Variants in SFI1 observed in about 807,000 individuals in gnomAD.
SFI1 encodes protein SFI1 homolog.
Under a neutral mutation model 207.5 loss-of-function variants are expected in SFI1, and 195 were observed. That is an observed-to-expected ratio of 0.94 (90% confidence interval 0.84 to 1.06). The LOEUF (loss-of-function observed/expected upper bound fraction) is 1.06. Among genes scored for constraint, SFI1 ranks in the 50% least tolerant of loss-of-function variants. SFI1 has a pLI of 0.00. For missense variants in SFI1, 1,634 were observed against 1,588.0 expected, an observed-to-expected ratio of 1.03 and a Z score of -0.49; for synonymous variants, 630 against 598.9, an observed-to-expected ratio of 1.05 and a Z score of -0.76.
In SFI1 at chr22:31,513,905, G is replaced by A. The variant is rs557140841; in HGVS notation, c.92+5529G>A. 5.5e-4 allele frequency among the ~76,000 whole-genome samples: 83 copies of A among 151,548 alleles called. 1 individual carries two copies. Among genetic ancestry groups the A allele is most frequent in the African/African-American group, 1.8e-3 (75 of 41,428 alleles). ...TCCCAGCACTTTCAGAGGCTGAGGC[G>A]GGTGGATTACCTGAGGTCAGGAGTT... On this transcript the variant is annotated intron_variant, in intron 2 of 32. Coordinates refer to ENST00000400288, the MANE Select transcript of SFI1 (RefSeq NM_001007467.3).
At chr22:31,539,315 A>G (rs1300583592) in intron 4 of SFI1, among the ~76,000 whole-genome samples, 3 of 152,008 alleles carry the variant, frequency 2.0e-5, no homozygotes, top group Non-Finnish European at 4.4e-5. Flanking sequence ...ATTCTGTCAA[A>G]CTTCCAGTGG....
chr22:31,618,348 TC>T lies in SFI1; in HGVS notation c.3661del (p.Gln1221ArgfsTer61). On this transcript the variant is annotated frameshift_variant, in exon 33 of 33. Coordinates refer to ENST00000400288, the MANE Select transcript of SFI1 (RefSeq NM_001007467.3). LOFTEE classifies it high-confidence loss of function. ...EMQIQLLAEE[L>X]QAQRQPIGAC... ...CAGATCCAGCTGCTGGCAGAGGAGC[TC>T]CAGGCTCAGCGCCAGCCCATTGGCG... 1 of 1,609,584 alleles carries T rather than the reference TC, an allele frequency of 6.2e-7. No individual in the cohort carries two copies. Among genetic ancestry groups the T allele is most frequent in the African/African-American group, 1.3e-5 (1 of 74,956 alleles).
intron 3 of SFI1, among the ~76,000 whole-genome samples, chr22:31,529,936 C>T (rs113550211): frequency 0.038 from 5,791 of 151,700 alleles, 380 homozygotes; most frequent in African/African-American, 0.13. Context: ...TTTGGGAGGC[C>T]GAGGCGGGTG....
chr22:31,554,625 G>C (rs1294456859), intron 6 of SFI1, among the ~76,000 whole-genome samples: 2 of 138,276 alleles, frequency 1.4e-5, no homozygotes, highest in East Asian at 4.2e-4. Flanking sequence ...TTTTTTTTCA[G>C]ATGGAGCCTC....
chr22:31,564,879 T>C (rs1309796782), intron 8 of SFI1, among the ~76,000 whole-genome samples: 2 of 146,082 alleles, frequency 1.4e-5, no homozygotes, highest in Admixed American at 7.1e-5. Flanking sequence ...AGTATCGCGA[T>C]GTTGGCTCAC....
At chr22:31,599,039 G>A (rs1372208778) in intron 15 of SFI1, among the ~76,000 whole-genome samples, 9 of 151,318 alleles carry the variant, frequency 5.9e-5, no homozygotes, top group East Asian at 3.9e-4. Flanking sequence ...TGATCCGCCC[G>A]CCTCGGCCTC....
At chr22:31,503,288 T>G (rs2054105428) in intron 1 of SFI1, among the ~76,000 whole-genome samples, 1 of 152,088 alleles carries the variant, frequency 6.6e-6, no homozygotes, top group African/African-American at 2.4e-5. Flanking sequence ...GCTACCAGAA[T>G]TTTGGAAGCG....
At chr22:31,510,177 C>G (rs1396577049) in intron 2 of SFI1, among the ~76,000 whole-genome samples, 2 of 151,626 alleles carry the variant, frequency 1.3e-5, no homozygotes, top group African/African-American at 4.8e-5. Flanking sequence ...CTGAAACTAT[C>G]TGTGCTTTTT....
chr22:31,550,427 T>A (rs911223361), intron 6 of SFI1, 79 bp downstream of exon 6: 14 of 1,090,312 alleles, frequency 1.3e-5, no homozygotes, highest in African/African-American at 6.2e-5. Flanking sequence ...AAACACATTG[T>A]CTCAGAGAGA....
At chr22:31,614,615 T>C (rs1029565935) in intron 27 of SFI1, 174 bp from the exon 28 acceptor site, 7 of 732,182 alleles carry the variant, frequency 9.6e-6, no homozygotes, top group Admixed American at 2.0e-5. Flanking sequence ...AGGTACCTTT[T>C]GTCGGAACTG....
rs1361799934 is a variant in SFI1, at chr22:31,602,652, A to G, written c.1672A>G (p.Met558Val). 4 of 1,614,156 alleles carry G rather than the reference A, an allele frequency of 2.5e-6. No individual in the cohort carries two copies. The highest frequency in any genetic ancestry group is 1.3e-5 in the African/African-American group (1 of 75,012). Residue 558 changes from methionine to valine, a missense_variant, in exon 17 of 33, where the codon ATG (methionine) becomes GTG (valine). By Grantham distance (21) the Met-to-Val change is conservative. Coordinates refer to ENST00000400288, the MANE Select transcript of SFI1 (RefSeq NM_001007467.3). ...ACAGCTTCTGTATAGGTCTTGGTTC[A>G]TGTGGCACCAGCAGGCAGCAGCACG... ...ERQLLYRSWF[M>V]WHQQAAARHQ...
At chr22:31,567,850 A>G (rs2062483723) in intron 8 of SFI1, among the ~76,000 whole-genome samples, 1 of 152,198 alleles carries the variant, frequency 6.6e-6, no homozygotes, top group Admixed American at 6.6e-5. Flanking sequence ...CACAGAGAAT[A>G]ATTACTTCAA....
chr22:31,583,929 A>G lies in SFI1; in HGVS notation c.1303A>G (p.Arg435Gly), dbSNP rs1204174050. 2.5e-6 allele frequency: 4 copies of G among 1,614,068 alleles called. No homozygotes were observed. Among genetic ancestry groups the G allele is most frequent in the Non-Finnish European group, 3.4e-6 (4 of 1,180,038 alleles). The part of the protein sequence containing the change: ...WRSQIEQKKE[R>G]ELLPLLHAAW... ...GTCTCAGATTGAGCAGAAAAAGGAAAGAGAGCTGCTCCCCTTACTGCATGC... is the reference window on the plus strand; with the variant it reads ...GTCTCAGATTGAGCAGAAAAAGGAAGGAGAGCTGCTCCCCTTACTGCATGC... The change falls in exon 13 of 33, where the codon AGA becomes GGA. Residue 435 changes from arginine (R) to glycine (G), a missense_variant. Physicochemically the swap from Arg to Gly is moderately radical, Grantham distance 125. Coordinates refer to ENST00000400288, the MANE Select transcript of SFI1 (RefSeq NM_001007467.3).
rs1569244730 is a variant in SFI1, at chr22:31,536,910, A to ATTT, written c.338+5781_338+5782insTTT. Among the ~76,000 whole-genome samples, 9 of 149,804 alleles carry ATTT rather than the reference A, an allele frequency of 6.0e-5. No individual in the cohort carries two copies. In the South Asian group the frequency reaches 8.5e-4, roughly 14 times the overall value. Reference sequence around the variant, plus strand: ...TTTCTGTTTTTTGTTTTTTTTTTTAAAATTAACTTTTTTTTTACCTTTAGA... The same window carrying ATTT: ...TTTCTGTTTTTTGTTTTTTTTTTTAATTTAATTAACTTTTTTTTTACCTTTAGA... On this transcript the variant is annotated intron_variant, in intron 4 of 32. Coordinates refer to ENST00000400288, the MANE Select transcript of SFI1 (RefSeq NM_001007467.3).
intron 5 of SFI1, 150 bp from the exon 6 acceptor site, chr22:31,550,104 T>G: frequency 1.8e-6 from 1 of 553,044 alleles, no homozygotes; most frequent in East Asian, 3.0e-5. Flanking sequence ...GCACACGGTA[T>G]TTTTAGTTGA....
chr22:31,556,502 G>A (rs138969780), intron 6 of SFI1, among the ~76,000 whole-genome samples: 2,156 of 152,216 alleles, frequency 0.014, 13 homozygotes, highest in Middle Eastern at 0.031. Flanking sequence ...GATTACAGGC[G>A]TGAGCCACTG....
intron 4 of SFI1, among the ~76,000 whole-genome samples, chr22:31,540,881 G>T (rs757987223): frequency 1.3e-5 from 2 of 152,124 alleles, no homozygotes; most frequent in Non-Finnish European, 2.9e-5. Flanking sequence ...CCAGCTGAAG[G>T]TGTTAATTAT....
intron 8 of SFI1, among the ~76,000 whole-genome samples, chr22:31,570,195 G>A (rs2062809439): frequency 6.6e-6 from 1 of 152,128 alleles, no homozygotes; most frequent in South Asian, 2.1e-4. Context: ...CAGGTAAGAA[G>A]CTATTACAAA....
intron 15 of SFI1, among the ~76,000 whole-genome samples, chr22:31,601,055 T>A (rs539869976): frequency 1.3e-5 from 2 of 152,262 alleles, no homozygotes; most frequent in South Asian, 4.1e-4. Context: ...GGATTTGATG[T>A]TGTTAATGGT....
Sources: gnomAD v4.1 joint callset for allele counts (sites outside exome capture counted in the v4.1 genomes callset) on GRCh38, gnomAD v4.1.1 for gene constraint, MANE v1.5 for transcripts, NCBI Gene and HGNC (gene_info 2026-07-23, HGNC 2026-07-21) for gene names.